The following MMS22L variants were observed in gnomAD, a reference collection of about 807,000 sequenced individuals.
The protein encoded by MMS22L is MMS22 like, DNA repair protein.
MMS22L carries 74 observed loss-of-function variants against 159.1 expected under a neutral mutation model. That is an observed-to-expected ratio of 0.47 (90% confidence interval 0.39 to 0.56). The LOEUF (loss-of-function observed/expected upper bound fraction) is 0.56. MMS22L is among the 20% of genes least tolerant of loss of function. MMS22L has a pLI of 0.00. For synonymous variants in MMS22L, 517 were observed against 506.9 expected, an observed-to-expected ratio of 1.02 and a Z score of -0.27; for missense variants, 1,351 against 1,422.1, an observed-to-expected ratio of 0.95 and a Z score of 0.80.
rs181056993 is a variant in MMS22L at position 97,220,328 on chromosome 6, A to C, written c.2039+8566T>G. ...TTTAAAGACCATGATAAGAAATGTG[A>C]AATTTTCTACTGTGTCTATTAGAGT... is the stretch of plus-strand genomic sequence containing the variant. On this transcript the variant is annotated intron_variant, in intron 14 of 24. Coordinates refer to ENST00000683635, the MANE Select transcript of MMS22L (RefSeq NM_001350599.2). 5.9e-5 allele frequency among the ~76,000 whole-genome samples: 9 copies of C among 152,320 alleles called. No individual in the cohort carries two copies. In the East Asian group the frequency reaches 1.5e-3, roughly 26 times the overall value.
Position 97,145,011 on chromosome 6 carries a change from G to GA in MMS22L, c.*1794_*1795insT, listed in dbSNP as rs1800844834. 9.0e-6 allele frequency: 1 copy of GA among 110,996 alleles called. No individual in the cohort carries two copies. The highest frequency in any genetic ancestry group is 1.8e-5 in the Non-Finnish European group (1 of 55,100). 6.9% of individuals were successfully genotyped at this position (110,996 alleles called of 1,614,324 possible). Reference sequence around the variant, plus strand: ...AAAGGTATCTTTATCAATCTCCTTTGGAAAAAAAAAACCCACACACACACA... The same window carrying GA: ...AAAGGTATCTTTATCAATCTCCTTTGAGAAAAAAAAAACCCACACACACACA... On this transcript the variant is annotated 3_prime_UTR_variant, in exon 25 of 25. Transcript: ENST00000683635.
rs115709620 is a variant in MMS22L at position 97,230,960 on chromosome 6, G to A, written c.1529+466C>T. 4.9e-3 allele frequency: 791 copies of A among 159,844 alleles called. 6 individuals are homozygous for A. Among genetic ancestry groups the A allele is most frequent in the African/African-American group, 0.018 (737 of 41,584 alleles). 9.9% of individuals were successfully genotyped at this position (159,844 alleles called of 1,614,324 possible). A position where few individuals can be genotyped will look rare whatever the true frequency, so the allele number is the denominator to read the frequency against. On this transcript the variant is annotated intron_variant, in intron 13 of 24. Coordinates refer to ENST00000683635, the MANE Select transcript of MMS22L (RefSeq NM_001350599.2). ...CTGCACAAAGAAGGCTAAGAAAAGA[G>A]CTAATATAGGCAAAGGAAGTAGAAA... is the stretch of plus-strand genomic sequence containing the variant.
intron 14 of MMS22L, among the ~76,000 whole-genome samples, chr6:97,210,097 C>T (rs1453649944): frequency 1.3e-5 from 2 of 151,776 alleles, no homozygotes; most frequent in Non-Finnish European, 3.0e-5. Context: ...TGGGGACCTG[C>T]CTGAGGTCCC....
chr6:97,165,239 G>A lies in MMS22L; in HGVS notation c.3221+7C>T. ...ACATACCACCTATATTTAATATTTA[G>A]ATGTACCTTATGACTTGCACAATGC... On this transcript the variant is annotated splice_region_variant and intron_variant, in intron 21 of 24. Coordinates refer to ENST00000683635, the MANE Select transcript of MMS22L (RefSeq NM_001350599.2). 6.2e-7 allele frequency: 1 copy of A among 1,605,534 alleles called. No individual in the cohort carries two copies. Among genetic ancestry groups the A allele is most frequent in the East Asian group, 2.2e-5 (1 of 44,790 alleles).
At chr6:97,277,413 C>G (rs1816341820) in intron 4 of MMS22L, among the ~76,000 whole-genome samples, 1 of 151,776 alleles carries the variant, frequency 6.6e-6, no homozygotes, top group Non-Finnish European at 1.5e-5. Flanking sequence ...GACTCCATCT[C>G]AAAAAATAAT....
intron 11 of MMS22L, among the ~76,000 whole-genome samples, chr6:97,240,106 T>G (rs1199392746): frequency 6.6e-6 from 1 of 152,154 alleles, no homozygotes; most frequent in Non-Finnish European, 1.5e-5. Context: ...GGAAAATAGA[T>G]ATAATCAAAC....
intron 14 of MMS22L, among the ~76,000 whole-genome samples, chr6:97,211,928 T>C (rs1352453463): frequency 6.6e-6 from 1 of 152,202 alleles, no homozygotes; most frequent in Admixed American, 6.5e-5. Flanking sequence ...AATTCCTCCC[T>C]TCTAATATTT....
chr6:97,266,184 A>C (rs1330360241), intron 8 of MMS22L: 1 of 152,202 alleles, frequency 6.6e-6, no homozygotes, highest in Admixed American at 6.5e-5. Context: ...GCCAGAGAGG[A>C]AGTGGTGACA....
At chr6:97,257,229 ACT>A (rs1411419758) in intron 9 of MMS22L, among the ~76,000 whole-genome samples, 3 of 151,708 alleles carry the variant, frequency 2.0e-5, no homozygotes, top group Non-Finnish European at 4.4e-5. Flanking sequence ...TCTCTTAACC[ACT>A]CTTTCATGTT....
chr6:97,228,418 C>A (rs1436593354), intron 14 of MMS22L, among the ~76,000 whole-genome samples: 2 of 152,096 alleles, frequency 1.3e-5, no homozygotes, highest in African/African-American at 4.8e-5. Flanking sequence ...CCAAAATGCC[C>A]CAAAATTCAA....
chr6:97,218,643 A>G (rs1056673383), intron 14 of MMS22L, among the ~76,000 whole-genome samples: 5 of 152,186 alleles, frequency 3.3e-5, no homozygotes, highest in Non-Finnish European at 7.4e-5. Flanking sequence ...AACACAAGGT[A>G]AAAAACAATA....
chr6:97,233,635 T>C (rs186709528), intron 12 of MMS22L, among the ~76,000 whole-genome samples: 25 of 152,228 alleles, frequency 1.6e-4, no homozygotes, highest in African/African-American at 5.8e-4. Flanking sequence ...GCTACTTTGT[T>C]TACCCTTGCT....
chr6:97,192,288 G>A (rs1452504824), intron 14 of MMS22L, among the ~76,000 whole-genome samples: 1 of 152,104 alleles, frequency 6.6e-6, no homozygotes, highest in Non-Finnish European at 1.5e-5. Context: ...CAGTGGCAAT[G>A]ATGCTTACCG....
At chr6:97,223,905 T>G (rs1809929661) in intron 14 of MMS22L, among the ~76,000 whole-genome samples, 1 of 152,218 alleles carries the variant, frequency 6.6e-6, no homozygotes, top group Admixed American at 6.5e-5. Context: ...GACTTGCATA[T>G]TGCTGCACTA....
In MMS22L at chr6:97,148,787, T is replaced by C. The variant is rs1582341964; in HGVS notation, c.3650+1066A>G. ...AATAACTAATGTACTCTAAATGTAT[T>C]ATGTTTATAATGTCTACTACAATAG... On this transcript the variant is annotated intron_variant, in intron 24 of 24. Transcript: ENST00000683635. Among the ~76,000 whole-genome samples, 3 of 152,232 alleles carry C rather than the reference T, an allele frequency of 2.0e-5. No individual in the cohort carries two copies. In the South Asian group the frequency reaches 6.2e-4, roughly 32 times the overall value.
intron 12 of MMS22L, among the ~76,000 whole-genome samples, chr6:97,232,003 T>A (rs1329632874): frequency 6.6e-6 from 1 of 152,166 alleles, no homozygotes; most frequent in African/African-American, 2.4e-5. Flanking sequence ...TATCAGGTCA[T>A]TGGTTGTATA....
chr6:97,279,802 A>G (rs1459768696), intron 3 of MMS22L, among the ~76,000 whole-genome samples: 3 of 151,080 alleles, frequency 2.0e-5, no homozygotes, highest in Non-Finnish European at 4.4e-5. Flanking sequence ...AAAAAAAAAG[A>G]AGTTTAAGAT....
chr6:97,182,174 G>A (rs1310671647), intron 15 of MMS22L, 120 bp from the exon 16 acceptor site: 2 of 789,354 alleles, frequency 2.5e-6, no homozygotes, highest in African/African-American at 3.6e-5. Context: ...ATAATAAAAT[G>A]TTCTACTTAG....
At chr6:97,207,652 C>T (rs533221045) in intron 14 of MMS22L, among the ~76,000 whole-genome samples, 12 of 152,224 alleles carry the variant, frequency 7.9e-5, no homozygotes, top group African/African-American at 2.9e-4. Flanking sequence ...GTGTACCAAG[C>T]ACTGCACTAA....
Sources: gnomAD v4.1 joint callset for allele counts (sites outside exome capture counted in the v4.1 genomes callset) on GRCh38, gnomAD v4.1.1 for gene constraint, MANE v1.5 for transcripts, NCBI Gene and HGNC (gene_info 2026-07-23, HGNC 2026-07-21) for gene names.